The following CADPS variants were observed in gnomAD, a reference collection of about 807,000 sequenced individuals.
CADPS encodes calcium dependent secretion activator, also known as calcium-dependent secretion activator 1.
A neutral mutation model predicts 167.3 loss-of-function variants in CADPS; 57 were observed. The ratio of observed to expected loss-of-function variants is 0.34; its 90% CI spans 0.28 to 0.42. The LOEUF is 0.42. Ranked by LOEUF, CADPS falls within the 20% of genes least tolerant of loss-of-function variation. The pLI is 1.00. For synonymous variants in CADPS, 676 were observed against 635.3 expected (o/e 1.06, Z -0.96); for missense variants, 1,414 against 1,738.1 (o/e 0.81, Z 3.32).
intron 15 of CADPS, among the ~76,000 whole-genome samples, 190 bp downstream of exon 15, chr3:62,516,390 A>T (rs2069008396): frequency 6.6e-6 from 1 of 152,184 alleles, no homozygotes; most frequent in Non-Finnish European, 1.5e-5. Context: ...TCTTCTGTAT[A>T]TCCTATTTGG....
rs190503686 is a variant in CADPS at position 62,578,424 on chromosome 3, C to T, written c.1577+6761G>A. ...AGGAGATCGAGACAATTCTGGCTAGCACGGTGAAACCCTGTCTGTACTAAA... is the reference window on the plus strand; with the variant it reads ...AGGAGATCGAGACAATTCTGGCTAGTACGGTGAAACCCTGTCTGTACTAAA... On this transcript the variant is annotated intron_variant, in intron 8 of 29. Coordinates refer to ENST00000383710, the MANE Select transcript of CADPS (RefSeq NM_003716.4). Among the ~76,000 whole-genome samples, 13 of 151,930 alleles carry T rather than the reference C, an allele frequency of 8.6e-5. No individual in the cohort carries two copies. In the East Asian group the frequency reaches 2.5e-3, roughly 30 times the overall value.
chr3:62,774,966 C>T (rs1348400280), intron 1 of CADPS, among the ~76,000 whole-genome samples: 7 of 152,082 alleles, frequency 4.6e-5, no homozygotes, highest in African/African-American at 7.2e-5. Context: ...TACTCAATTA[C>T]ATTAAAACCC....
rs1168618925 is a variant in CADPS at position 62,612,178 on chromosome 3, GCTATATAA to G, written c.1326-19438_1326-19431del. Among the ~76,000 whole-genome samples, 38 of 152,192 alleles carry G rather than the reference GCTATATAA, an allele frequency of 2.5e-4. 2 individuals are homozygous for G. The highest frequency in any genetic ancestry group is 2.5e-3 in the Admixed American group (38 of 15,268). On this transcript the variant is annotated intron_variant, in intron 6 of 29. Coordinates refer to ENST00000383710, the MANE Select transcript of CADPS (RefSeq NM_003716.4). ...GGAATCTCTTCTTTGCCACTTAAAT[GCTATATAA>G]CTATGAGAAGCTACTTAAATTATTT...
At chr3:62,508,183 G>A (rs1331139022) in intron 17 of CADPS, among the ~76,000 whole-genome samples, 1 of 152,168 alleles carries the variant, frequency 6.6e-6, no homozygotes, top group Non-Finnish European at 1.5e-5. Context: ...TTGTGGATAG[G>A]GCCGTTATAT....
intron 28 of CADPS, 130 bp from the exon 29 acceptor site, chr3:62,403,315 A>G (rs1246240005): frequency 1.6e-6 from 1 of 641,920 alleles, no homozygotes; most frequent in African/African-American, 1.8e-5. Context: ...AGAATTTGAG[A>G]GCATAGAGTT....
chr3:62,468,951 G>T (rs1381950731), intron 24 of CADPS, among the ~76,000 whole-genome samples: 1 of 152,120 alleles, frequency 6.6e-6, no homozygotes, highest in African/African-American at 2.4e-5. Flanking sequence ...ACAATGCATG[G>T]AAACGTGGTT....
chr3:62,431,652 G>A (rs1341143948), intron 28 of CADPS, among the ~76,000 whole-genome samples: 3 of 151,690 alleles, frequency 2.0e-5, no homozygotes, highest in African/African-American at 7.3e-5. Flanking sequence ...AAAAGGGCCA[G>A]TGCTGGTTCA....
rs1258227440 is a variant in CADPS at position 62,458,033 on chromosome 3, A to C, written c.3636+7334T>G. 1.3e-5 allele frequency among the ~76,000 whole-genome samples: 2 copies of C among 152,210 alleles called. No homozygotes were observed. The highest frequency in any genetic ancestry group is 2.9e-5 in the Non-Finnish European group (2 of 68,044). On this transcript the variant is annotated intron_variant, in intron 26 of 29. Coordinates refer to ENST00000383710, the MANE Select transcript of CADPS (RefSeq NM_003716.4). The surrounding 1 kb of genome is among the most constrained non-coding windows in gnomAD (Gnocchi z 4.6). ...CACCATGGCACATGTATACCTATGT[A>C]ACAAACCCGCACATTCTGCACATGT... is the stretch of plus-strand genomic sequence containing the variant.
At chr3:62,817,355 G>A (rs1328359329) in intron 1 of CADPS, among the ~76,000 whole-genome samples, 1 of 152,012 alleles carries the variant, frequency 6.6e-6, no homozygotes, top group Admixed American at 6.6e-5. Context: ...AAGAGGGAAG[G>A]GTCTCTGCAT....
chr3:62,838,201 C>A (rs145607243), intron 1 of CADPS, among the ~76,000 whole-genome samples: 19 of 152,236 alleles, frequency 1.2e-4, no homozygotes, highest in African/African-American at 4.6e-4. Context: ...ATATTACTGA[C>A]CTCACTAATG....
At chr3:62,844,498 AGG>A (rs2077097868) in intron 1 of CADPS, among the ~76,000 whole-genome samples, 2 of 152,170 alleles carry the variant, frequency 1.3e-5, no homozygotes, top group Non-Finnish European at 2.9e-5. Flanking sequence ...CACTTTACTG[AGG>A]AGCAAACCAC....
chr3:62,624,602 A>C (rs988372200), intron 6 of CADPS, among the ~76,000 whole-genome samples: 6 of 152,060 alleles, frequency 3.9e-5, no homozygotes, highest in African/African-American at 1.4e-4. Context: ...TTTCAGATGA[A>C]CTTGCTTCCT....
In CADPS at chr3:62,508,106, A is replaced by G. The variant is rs563930584; in HGVS notation, c.2599+4645T>C. ...AGTGTTTTCTTAGAGCTGCACGTAT[A>G]TGACTCTAACATGTGGATGCTAGAT... On this transcript the variant is annotated intron_variant, in intron 17 of 29. Coordinates refer to ENST00000383710, the MANE Select transcript of CADPS (RefSeq NM_003716.4). Among the ~76,000 whole-genome samples the G allele has an allele frequency of 2.6e-5, 4 of 152,330 alleles. No homozygotes were observed. The East Asian group carries it at 7.7e-4, about 29-fold the overall frequency.
At chr3:62,600,828 A>C (rs2059849743) in intron 6 of CADPS, among the ~76,000 whole-genome samples, 1 of 152,194 alleles carries the variant, frequency 6.6e-6, no homozygotes, top group South Asian at 2.1e-4. Context: ...TTTTATTATA[A>C]ATATAGCCAG....
intron 6 of CADPS, among the ~76,000 whole-genome samples, chr3:62,603,069 G>T (rs2060197938): frequency 6.6e-6 from 1 of 152,202 alleles, no homozygotes; most frequent in Non-Finnish European, 1.5e-5. Flanking sequence ...CGAAGCAATT[G>T]TCACCTGTAC....
chr3:62,802,935 G>A (rs553690157), intron 1 of CADPS, among the ~76,000 whole-genome samples: 15 of 152,248 alleles, frequency 9.9e-5, no homozygotes, highest in African/African-American at 3.4e-4. Flanking sequence ...CGTCCACACT[G>A]TTAAGAGGCA....
intron 6 of CADPS, among the ~76,000 whole-genome samples, chr3:62,641,833 A>G (rs571377713): frequency 1.6e-4 from 25 of 151,952 alleles, no homozygotes; most frequent in African/African-American, 5.1e-4. Context: ...GCCACAATTT[A>G]GCTGAGAGTA....
chr3:62,600,238 T>A (rs1453695048), intron 6 of CADPS, among the ~76,000 whole-genome samples: 1 of 150,506 alleles, frequency 6.6e-6, no homozygotes, highest in Admixed American at 6.7e-5. Context: ...ATGCAACAGC[T>A]CTCTTGGGAG....
chr3:62,518,648 T>C (rs925639718), intron 13 of CADPS, among the ~76,000 whole-genome samples: 3 of 152,164 alleles, frequency 2.0e-5, no homozygotes, highest in Non-Finnish European at 2.9e-5. Flanking sequence ...ACAGTTAGCA[T>C]TATTAATTGG....
Sources: allele counts gnomAD v4.1 joint callset (sites outside exome capture counted in the v4.1 genomes callset), GRCh38; gene constraint gnomAD v4.1.1; non-coding constraint Gnocchi (gnomAD v3.1); transcripts MANE v1.5; gene names NCBI Gene and HGNC (gene_info 2026-07-23, HGNC 2026-07-21).